Variants in DLGAP1 observed in about 807,000 individuals in gnomAD.
The protein encoded by DLGAP1 is disks large-associated protein 1.
Under a neutral mutation model 90.8 loss-of-function variants are expected in DLGAP1, and 11 were observed. The observed-to-expected ratio is 0.12, with a 90% CI of 0.08 to 0.20. The LOEUF (loss-of-function observed/expected upper bound fraction) is 0.20. Ranked by LOEUF, DLGAP1 falls within the 10% of genes least tolerant of loss-of-function variation. The pLI is 1.00. For synonymous variants in DLGAP1, 558 were observed against 540.7 expected (o/e 1.03, Z -0.44); for missense variants, 1,050 against 1,333.8 (o/e 0.79, Z 3.31).
At chr18:4,145,679 G>T (rs996737882) in intron 2 of DLGAP1, among the ~76,000 whole-genome samples, 3 of 152,142 alleles carry the variant, frequency 2.0e-5, no homozygotes, top group Admixed American at 2.0e-4. Context: ...GTATAAAGCT[G>T]CATCTGGCAA....
intron 2 of DLGAP1, among the ~76,000 whole-genome samples, chr18:4,053,614 C>T (rs8093201): frequency 0.23 from 35,394 of 152,122 alleles, 4,612 homozygotes; most frequent in Non-Finnish European, 0.28. Context: ...TTTCCTGCTT[C>T]GCTATGTGAA....
At chr18:3,850,182 C>T (rs1172285154) in intron 4 of DLGAP1, among the ~76,000 whole-genome samples, 1 of 152,116 alleles carries the variant, frequency 6.6e-6, no homozygotes, top group Non-Finnish European at 1.5e-5. Context: ...GCCTGGCCAA[C>T]GTGGTGAAAC....
intron 7 of DLGAP1, among the ~76,000 whole-genome samples, chr18:3,589,964 G>A (rs541715054): frequency 3.9e-4 from 59 of 152,270 alleles, no homozygotes; most frequent in African/African-American, 1.3e-3. Flanking sequence ...AGGCTGGAGC[G>A]CAATGGCACC....
intron 2 of DLGAP1, among the ~76,000 whole-genome samples, chr18:4,025,132 AAG>A (rs554557302): frequency 7.9e-5 from 12 of 152,140 alleles, no homozygotes; most frequent in South Asian, 6.2e-4. Flanking sequence ...GGAAATAAAA[AAG>A]AGTGTGTGAG....
intron 5 of DLGAP1, among the ~76,000 whole-genome samples, chr18:3,764,539 A>G (rs2064126692): frequency 6.6e-6 from 1 of 152,216 alleles, no homozygotes; most frequent in Non-Finnish European, 1.5e-5. Flanking sequence ...AACTAAGACA[A>G]AGAGGGAAAT....
intron 3 of DLGAP1, among the ~76,000 whole-genome samples, chr18:3,926,627 T>G (rs1463863942): frequency 6.6e-6 from 1 of 152,034 alleles, no homozygotes; most frequent in Non-Finnish European, 1.5e-5. Flanking sequence ...GATAGATATC[T>G]ACATAGAGCT....
At chr18:4,208,804 T>TG (rs1278820581) in intron 1 of DLGAP1, among the ~76,000 whole-genome samples, 4 of 149,336 alleles carry the variant, frequency 2.7e-5, no homozygotes, top group Non-Finnish European at 4.5e-5. Flanking sequence ...AAGGAGAGGT[T>TG]GGGGGGGTGG....
chr18:3,955,658 G>T (rs186861035), intron 3 of DLGAP1, among the ~76,000 whole-genome samples: 2 of 151,614 alleles, frequency 1.3e-5, no homozygotes, highest in African/African-American at 4.9e-5. Context: ...AGGTTGTGGT[G>T]AGCCGAGATC....
chr18:4,008,319 T>C (rs2074347616), intron 2 of DLGAP1, among the ~76,000 whole-genome samples: 1 of 152,024 alleles, frequency 6.6e-6, no homozygotes, highest in Non-Finnish European at 1.5e-5. Context: ...AAAATAAACA[T>C]CAACTTGTCA....
intron 4 of DLGAP1, among the ~76,000 whole-genome samples, chr18:3,866,027 A>G (rs1352963275): frequency 6.6e-6 from 1 of 152,186 alleles, no homozygotes; most frequent in Non-Finnish European, 1.5e-5. Flanking sequence ...GTGTGTTCCT[A>G]AAAAAGTCAA....
intron 8 of DLGAP1, among the ~76,000 whole-genome samples, chr18:3,578,331 C>T (rs1348153784): frequency 2.6e-5 from 4 of 151,216 alleles, no homozygotes; most frequent in Non-Finnish European, 4.4e-5. Flanking sequence ...TTCTGTATAA[C>T]GAAATTCAAT....
intron 1 of DLGAP1, among the ~76,000 whole-genome samples, chr18:4,357,275 T>C (rs1174293294): frequency 6.8e-6 from 1 of 147,262 alleles, no homozygotes; most frequent in African/African-American, 2.5e-5. Flanking sequence ...TGTCTCAGCC[T>C]CCCAAGCAGC....
At chr18:3,541,020 C>A (rs1443763530) in intron 9 of DLGAP1, among the ~76,000 whole-genome samples, 1 of 152,130 alleles carries the variant, frequency 6.6e-6, no homozygotes, top group East Asian at 1.9e-4. Context: ...CATCCTTGAA[C>A]TGAATGTGCC....
intron 4 of DLGAP1, among the ~76,000 whole-genome samples, chr18:3,816,863 C>A (rs955125636): frequency 6.6e-5 from 10 of 152,104 alleles, no homozygotes; most frequent in Non-Finnish European, 1.3e-4. Flanking sequence ...AATTATAGTC[C>A]CGGACACCTT....
chr18:3,502,532 C>T lies in DLGAP1; in HGVS notation c.2685G>A (p.Lys895=), dbSNP rs1317238967. 3 of 1,613,940 alleles carry T rather than the reference C, an allele frequency of 1.9e-6. No individual in the cohort carries two copies. The Admixed American group carries it at 5.0e-5, about 27-fold the overall frequency. ...GATCCATCTGTTTCCAATTATTGGC[C>T]TTTAACTGATGAAGTTCATCAAATT... The part of the protein sequence containing the change: ...SMKFDELHQL[K]ANNWKQMDPL... The change falls in exon 12 of 13, where the codon AAG becomes AAA. Residue 895 remains lysine, a synonymous_variant. Coordinates refer to ENST00000315677, the MANE Select transcript of DLGAP1 (RefSeq NM_004746.4).
chr18:4,450,971 G>A (rs1178139789), intron 1 of DLGAP1, among the ~76,000 whole-genome samples: 1 of 152,188 alleles, frequency 6.6e-6, no homozygotes, highest in Admixed American at 6.5e-5. Context: ...AATATCTGTG[G>A]ATATAGATCC....
chr18:3,866,281 C>T (rs1165074280), intron 4 of DLGAP1, among the ~76,000 whole-genome samples: 1 of 152,178 alleles, frequency 6.6e-6, no homozygotes, highest in Non-Finnish European at 1.5e-5. Context: ...GCTCAGAATA[C>T]AGATCCCAAT....
intron 4 of DLGAP1, among the ~76,000 whole-genome samples, chr18:3,838,835 C>T (rs983062585): frequency 8.5e-5 from 13 of 152,098 alleles, no homozygotes; most frequent in African/African-American, 2.9e-4. Flanking sequence ...CAGGCAAAAA[C>T]CAAACTCTGG....
chr18:4,154,722 A>G (rs1419792053), intron 1 of DLGAP1, among the ~76,000 whole-genome samples: 1 of 152,156 alleles, frequency 6.6e-6, no homozygotes, highest in Non-Finnish European at 1.5e-5. Flanking sequence ...AGCCTCTCTC[A>G]GTTTTAATGT....
Sources: allele counts gnomAD v4.1 joint callset (sites outside exome capture counted in the v4.1 genomes callset), GRCh38; gene constraint gnomAD v4.1.1; transcripts MANE v1.5; gene names NCBI Gene and HGNC (gene_info 2026-07-23, HGNC 2026-07-21).